Variants in GALNTL6 observed in about 807,000 individuals in gnomAD.
GALNTL6 encodes polypeptide N-acetylgalactosaminyltransferase like 6, also known as polypeptide N-acetylgalactosaminyltransferase-like 6.
A neutral mutation model predicts 73.7 loss-of-function variants in GALNTL6; 46 were observed. The observed-to-expected ratio is 0.62, with a 90% CI of 0.49 to 0.80. The LOEUF is 0.80. Ranked by LOEUF, GALNTL6 falls within the 30% of genes least tolerant of loss-of-function variation. The pLI is 0.00. For synonymous variants in GALNTL6, 259 were observed against 263.7 expected (o/e 0.98, Z 0.17); for missense variants, 604 against 755.0 (o/e 0.80, Z 2.34).
At chr4:172,072,465 G>A (rs547826602) in intron 2 of GALNTL6, among the ~76,000 whole-genome samples, 3 of 151,398 alleles carry the variant, frequency 2.0e-5, no homozygotes, top group African/African-American at 4.9e-5. Flanking sequence ...TTCAAATAAC[G>A]CCTCACCTTG....
intron 8 of GALNTL6, among the ~76,000 whole-genome samples, chr4:172,885,550 C>A (rs1265969437): frequency 6.6e-6 from 1 of 152,006 alleles, no homozygotes; most frequent in East Asian, 1.9e-4. Context: ...CCCTTTGTTT[C>A]TTTATCTTCC....
rs946722174 is a variant in GALNTL6, at chr4:172,557,980, C to T, written c.553+209291C>T. Among the ~76,000 whole-genome samples the T allele has an allele frequency of 3.9e-5, 6 of 152,174 alleles. No homozygotes were observed. The East Asian group carries it at 7.7e-4, about 20-fold the overall frequency. On this transcript the variant is annotated intron_variant, in intron 5 of 12. Coordinates refer to ENST00000506823, the MANE Select transcript of GALNTL6 (RefSeq NM_001034845.3). Reference sequence around the variant, plus strand: ...AAGCTTAAATAATAAAACCCCCAAACTGGAAACAACCCAAATGTCCATCAA... The same window carrying T: ...AAGCTTAAATAATAAAACCCCCAAATTGGAAACAACCCAAATGTCCATCAA...
chr4:172,708,126 C>T (rs1734472192), intron 5 of GALNTL6, among the ~76,000 whole-genome samples: 1 of 152,224 alleles, frequency 6.6e-6, no homozygotes, highest in African/African-American at 2.4e-5. Context: ...TCTCGACTCA[C>T]TGCAACCTCT....
At chr4:172,179,149 A>G (rs1439570640) in intron 2 of GALNTL6, among the ~76,000 whole-genome samples, 1 of 147,274 alleles carries the variant, frequency 6.8e-6, no homozygotes, top group Admixed American at 6.7e-5. Context: ...AGCATGATTT[A>G]TAGTCATTTG....
chr4:172,572,831 A>G (rs957607459), intron 5 of GALNTL6, among the ~76,000 whole-genome samples: 36 of 152,172 alleles, frequency 2.4e-4, no homozygotes, highest in African/African-American at 8.4e-4. Context: ...GATAAAGTCA[A>G]GGTTATGTTG....
At chr4:171,835,322 G>T (rs545152303) in intron 2 of GALNTL6, among the ~76,000 whole-genome samples, 184 of 152,120 alleles carry the variant, frequency 1.2e-3, no homozygotes, top group Non-Finnish European at 2.1e-3. Context: ...GTGTCTCCGT[G>T]TATCTGTGTG....
intron 8 of GALNTL6, among the ~76,000 whole-genome samples, chr4:172,891,144 G>A (rs1230652147): frequency 6.7e-6 from 1 of 148,608 alleles, no homozygotes; most frequent in South Asian, 2.1e-4. Flanking sequence ...AATCCAACTT[G>A]CCACTCTGTG....
At chr4:172,355,771 G>T (rs1482971806) in intron 5 of GALNTL6, among the ~76,000 whole-genome samples, 1 of 152,004 alleles carries the variant, frequency 6.6e-6, no homozygotes, top group Non-Finnish European at 1.5e-5. Flanking sequence ...TCATTTAGTT[G>T]TCATTTTTCT....
At chr4:172,847,830 G>A (rs753495257) in intron 7 of GALNTL6, among the ~76,000 whole-genome samples, 3 of 152,112 alleles carry the variant, frequency 2.0e-5, no homozygotes, top group Admixed American at 1.3e-4. Context: ...CAAGACATGA[G>A]GGATCCCTAA....
At position 172,087,305 on chromosome 4, in the gene GALNTL6, C is replaced by G. The variant is rs28380378; in HGVS notation, c.139-142351C>G. On this transcript the variant is annotated intron_variant, in intron 2 of 12. Coordinates refer to ENST00000506823, the MANE Select transcript of GALNTL6 (RefSeq NM_001034845.3). The stretch of plus-strand genomic sequence containing the variant: ...AAAAAATATAAAAAAATTAGCCGGG[C>G]GTGGGGGTGGGCGCCTGTAGTCCCA... 6.5e-3 allele frequency among the ~76,000 whole-genome samples: 984 copies of G among 151,472 alleles called. 13 individuals are homozygous for G. The highest frequency in any genetic ancestry group is 0.023 in the African/African-American group (936 of 41,280).
In GALNTL6 at chr4:172,506,794, G is replaced by T. The variant is rs1223746814; in HGVS notation, c.553+158105G>T. On this transcript the variant is annotated intron_variant, in intron 5 of 12. Transcript: ENST00000506823. ...TACAGTAATTCAATAACTTCCCACT[G>T]CATTAAAAACCCAAGCTGTCATCCT... Among the ~76,000 whole-genome samples the T allele has an allele frequency of 3.6e-5, 2 of 54,862 alleles. 1 individual carries two copies. The highest frequency in any genetic ancestry group is 9.1e-5 in the African/African-American group (2 of 21,940). 36.0% of individuals were successfully genotyped at this position (54,862 alleles called of 152,430 possible). A position where few individuals can be genotyped will look rare whatever the true frequency, so the allele number is the denominator to read the frequency against.
chr4:172,553,862 T>C (rs1324148092), intron 5 of GALNTL6, among the ~76,000 whole-genome samples: 3 of 151,962 alleles, frequency 2.0e-5, no homozygotes, highest in African/African-American at 2.4e-5. Flanking sequence ...TTTGAGACTA[T>C]CCTGGACAAC....
intron 5 of GALNTL6, among the ~76,000 whole-genome samples, chr4:172,608,980 C>G (rs1170693487): frequency 1.3e-5 from 2 of 151,890 alleles, no homozygotes; most frequent in Admixed American, 6.6e-5. Flanking sequence ...AATTTTGTAT[C>G]CTGAAACTCT....
At chr4:172,842,769 G>A (rs953956580) in intron 7 of GALNTL6, among the ~76,000 whole-genome samples, 1 of 150,880 alleles carries the variant, frequency 6.6e-6, no homozygotes, top group Admixed American at 6.6e-5. Context: ...TTTTTTAATG[G>A]CAGTGAAATT....
chr4:172,148,163 T>C (rs532056615), intron 2 of GALNTL6, among the ~76,000 whole-genome samples: 1 of 152,138 alleles, frequency 6.6e-6, no homozygotes. Context: ...TTGAAAGCCA[T>C]TAATTTTATT....
chr4:172,122,177 G>T (rs1006312642), intron 2 of GALNTL6, among the ~76,000 whole-genome samples: 1 of 151,412 alleles, frequency 6.6e-6, no homozygotes, highest in Non-Finnish European at 1.5e-5. Flanking sequence ...GAGAAATATT[G>T]CCATACTCAC....
intron 3 of GALNTL6, among the ~76,000 whole-genome samples, chr4:172,275,513 G>T (rs902993931): frequency 2.6e-5 from 4 of 152,178 alleles, no homozygotes; most frequent in African/African-American, 9.7e-5. Flanking sequence ...TACCTTAGGG[G>T]TTTTTATGGA....
intron 5 of GALNTL6, among the ~76,000 whole-genome samples, chr4:172,799,345 T>A (rs1740474405): frequency 6.6e-6 from 1 of 152,196 alleles, no homozygotes. Flanking sequence ...AAATTACAAG[T>A]TCAGGAGGTT....
chr4:172,974,091 G>GT (rs1341751296), intron 10 of GALNTL6, among the ~76,000 whole-genome samples: 7 of 152,256 alleles, frequency 4.6e-5, no homozygotes, highest in Non-Finnish European at 7.4e-5. Flanking sequence ...AGGTAGCTAG[G>GT]TATCAGTATT....
Sources: allele counts gnomAD v4.1 joint callset (sites outside exome capture counted in the v4.1 genomes callset), GRCh38; gene constraint gnomAD v4.1.1; transcripts MANE v1.5; gene names NCBI Gene and HGNC (gene_info 2026-07-23, HGNC 2026-07-21).